SYCP1: variants seen among roughly 807,000 people sequenced by gnomAD.
SYCP1 encodes the protein cancer/testis antigen 8.
Under a neutral mutation model 153.1 loss-of-function variants are expected in SYCP1, and 64 were observed. The observed-to-expected ratio is 0.42, with a 90% CI of 0.34 to 0.51. SYCP1 has a LOEUF of 0.51. Among genes scored for constraint, SYCP1 ranks in the 20% least tolerant of loss-of-function variants. The pLI is 0.06. For synonymous variants in SYCP1, 384 were observed against 341.8 expected, an observed-to-expected ratio of 1.12 and a Z score of -1.36; for missense variants, 997 against 1,049.0, an observed-to-expected ratio of 0.95 and a Z score of 0.68.
chr1:114,872,517 C>A (rs1665220704), intron 8 of SYCP1, among the ~76,000 whole-genome samples: 1 of 152,084 alleles, frequency 6.6e-6, no homozygotes, highest in African/African-American at 2.4e-5. Flanking sequence ...GTGTCTTTGG[C>A]ATTTATCCTG....
chr1:114,856,884 A>G (rs1557746810), intron 3 of SYCP1, among the ~76,000 whole-genome samples: 1 of 139,088 alleles, frequency 7.2e-6, no homozygotes, highest in Admixed American at 7.7e-5. Context: ...CAGGTGTTTG[A>G]GACCAGCCTG....
chr1:114,954,547 T>TTTTATTTATTTATTTA (rs4045000), intron 27 of SYCP1, among the ~76,000 whole-genome samples: 2,921 of 148,348 alleles, frequency 0.02, 34 homozygotes, highest in Non-Finnish European at 0.027. Context: ...TCAGTATGCT[T>TTTTATTTATTTATTTA]TTTATTTATT....
chr1:114,889,088 C>T (rs1014591347), intron 15 of SYCP1, among the ~76,000 whole-genome samples: 1 of 152,142 alleles, frequency 6.6e-6, no homozygotes, highest in Non-Finnish European at 1.5e-5. Context: ...GCTACATTTT[C>T]TTTATCCAGT....
intron 16 of SYCP1, among the ~76,000 whole-genome samples, chr1:114,896,164 C>T (rs1667048780): frequency 6.6e-6 from 1 of 152,150 alleles, no homozygotes; most frequent in African/African-American, 2.4e-5. Context: ...TTTCTGGCCC[C>T]TGATGTAGAA....
intron 27 of SYCP1, among the ~76,000 whole-genome samples, chr1:114,966,403 T>C (rs1672130614): frequency 1.3e-5 from 2 of 152,198 alleles, no homozygotes; most frequent in African/African-American, 4.8e-5. Flanking sequence ...AATCTGTTTG[T>C]TTTTTCTTCT....
At chr1:114,867,076 G>C (rs1664802429) in intron 8 of SYCP1, among the ~76,000 whole-genome samples, 1 of 151,946 alleles carries the variant, frequency 6.6e-6, no homozygotes, top group African/African-American at 2.4e-5. Context: ...TATTGGGTCT[G>C]TTTCTGGACT....
chr1:114,932,049 A>G (rs966096763), intron 23 of SYCP1, among the ~76,000 whole-genome samples: 29 of 152,240 alleles, frequency 1.9e-4, no homozygotes, highest in African/African-American at 6.8e-4. Flanking sequence ...ACATCAGATC[A>G]TATACAAACA....
At chr1:114,875,801 T>A (rs947260365) in intron 9 of SYCP1, among the ~76,000 whole-genome samples, 1 of 152,196 alleles carries the variant, frequency 6.6e-6, no homozygotes, top group Non-Finnish European at 1.5e-5. Flanking sequence ...TACATGCTAT[T>A]AAGTAAATGG....
In SYCP1 at chr1:114,977,539, G is replaced by T; in HGVS notation, c.2323-18G>T. 1 of 1,348,242 alleles carries T rather than the reference G, an allele frequency of 7.4e-7. No homozygotes were observed. The highest frequency in any genetic ancestry group is 1.5e-5 in the South Asian group (1 of 68,884). 83.5% of individuals were successfully genotyped at this position (1,348,242 alleles called of 1,614,324 possible). On this transcript the variant is annotated intron_variant, in intron 27 of 31. Coordinates refer to ENST00000369522, the MANE Select transcript of SYCP1 (RefSeq NM_003176.4). Reference sequence around the variant, plus strand: ...TGTGATGTTTATGTTACTTGTACTTGATATTTATTTTTAATAGGAAAAACT... The same window carrying T: ...TGTGATGTTTATGTTACTTGTACTTTATATTTATTTTTAATAGGAAAAACT...
intron 23 of SYCP1, among the ~76,000 whole-genome samples, chr1:114,929,620 TA>T (rs1669498018): frequency 6.6e-6 from 1 of 151,986 alleles, no homozygotes; most frequent in South Asian, 2.1e-4. Flanking sequence ...TAAAGATCAG[TA>T]GGGGCATTTT....
intron 16 of SYCP1, among the ~76,000 whole-genome samples, chr1:114,909,099 A>G (rs1668011355): frequency 6.6e-6 from 1 of 152,150 alleles, no homozygotes. Context: ...TCTGTATATG[A>G]ATGTATGCTT....
chr1:114,882,719 G>A (rs576424364), intron 12 of SYCP1, among the ~76,000 whole-genome samples: 1 of 151,984 alleles, frequency 6.6e-6, no homozygotes, highest in African/African-American at 2.4e-5. Context: ...GTTAAGGCCT[G>A]CTTAACATCC....
At chr1:114,940,086 AT>A (rs1670290872) in intron 23 of SYCP1, among the ~76,000 whole-genome samples, 1 of 151,720 alleles carries the variant, frequency 6.6e-6, no homozygotes, top group South Asian at 2.1e-4. Flanking sequence ...GAGTTTGTCA[AT>A]TTGGGAAGTC....
chr1:114,942,417 G>C (rs1331021101), intron 23 of SYCP1, among the ~76,000 whole-genome samples: 1 of 151,872 alleles, frequency 6.6e-6, no homozygotes, highest in Non-Finnish European at 1.5e-5. Context: ...AATAACTAAA[G>C]CAATCTTTAA....
At chr1:114,928,754 T>C (rs968191293) in intron 23 of SYCP1, among the ~76,000 whole-genome samples, 2 of 152,206 alleles carry the variant, frequency 1.3e-5, no homozygotes, top group Non-Finnish European at 2.9e-5. Context: ...TGTGAAATAG[T>C]ACAATATTAA....
At chr1:114,876,227 C>G in intron 10 of SYCP1, 89 bp downstream of exon 10, 1 of 792,678 alleles carries the variant, frequency 1.3e-6, no homozygotes, top group Non-Finnish European at 1.9e-6. Context: ...ATCTCTTTAG[C>G]CTGATGCTCT....
chr1:114,873,438 C>T (rs183895029), intron 8 of SYCP1, among the ~76,000 whole-genome samples: 2 of 152,116 alleles, frequency 1.3e-5, no homozygotes, highest in Non-Finnish European at 2.9e-5. Context: ...TGGGAATTTC[C>T]CATTTTCCAT....
At chr1:114,889,742 G>C (rs958446772) in intron 15 of SYCP1, among the ~76,000 whole-genome samples, 1 of 152,046 alleles carries the variant, frequency 6.6e-6, no homozygotes. Flanking sequence ...TTCTGTTGCC[G>C]TTGCTTTTGG....
chr1:114,991,514 C>T (rs1427769834), intron 30 of SYCP1, among the ~76,000 whole-genome samples: 1 of 151,764 alleles, frequency 6.6e-6, no homozygotes, highest in African/African-American at 2.4e-5. Context: ...GAAAATAAAA[C>T]AGTGTAATAA....
Sources: allele counts gnomAD v4.1 joint callset (sites outside exome capture counted in the v4.1 genomes callset), GRCh38; gene constraint gnomAD v4.1.1; transcripts MANE v1.5; gene names NCBI Gene and HGNC (gene_info 2026-07-23, HGNC 2026-07-21).